Variants in DAB2IP observed in about 807,000 individuals in gnomAD.
DAB2IP encodes disabled homolog 2-interacting protein.
A neutral mutation model predicts 107.2 loss-of-function variants in DAB2IP; 28 were observed. The observed-to-expected ratio is 0.26, with a 90% CI of 0.19 to 0.36. The LOEUF (loss-of-function observed/expected upper bound fraction) is 0.36, where lower values mean the gene tolerates loss of function less well. Among genes scored for constraint, DAB2IP ranks in the 10% least tolerant of loss-of-function variants. The pLI is 1.00. For synonymous variants in DAB2IP, 755 were observed against 706.4 expected, an observed-to-expected ratio of 1.07 and a Z score of -1.09; for missense variants, 1,400 against 1,644.7, an observed-to-expected ratio of 0.85 and a Z score of 2.57.
intron 1 of DAB2IP, among the ~76,000 whole-genome samples, chr9:121,641,252 A>G (rs1176338109): frequency 6.6e-6 from 1 of 152,144 alleles, no homozygotes; most frequent in Non-Finnish European, 1.5e-5. Flanking sequence ...CAGAGCTGGG[A>G]TTGTTCTCAC....
chr9:121,588,487 CAAGGG>C (rs1316815109), intron 1 of DAB2IP, among the ~76,000 whole-genome samples: 1 of 148,564 alleles, frequency 6.7e-6, no homozygotes, highest in Non-Finnish European at 1.5e-5. Context: ...GGAGATCCAT[CAAGGG>C]CTGCTCTCTG....
rs1835650826 is a variant in DAB2IP, at chr9:121,781,561, C to A, written c.3402+10C>A. 4 of 1,612,516 alleles carry A rather than the reference C, an allele frequency of 2.5e-6. No homozygotes were observed. The highest frequency in any genetic ancestry group is 3.4e-6 in the Non-Finnish European group (4 of 1,179,926). ...GATCATTGATGCCCAGGTGGGGGCT[C>A]CGGCCCTTTGGTCAGCCACAAGAGT... On this transcript the variant is annotated intron_variant, in intron 15 of 15. Coordinates refer to ENST00000408936, the Ensembl canonical transcript of DAB2IP.
intron 3 of DAB2IP, among the ~76,000 whole-genome samples, chr9:121,708,409 A>G (rs1256434022): frequency 6.6e-6 from 1 of 152,234 alleles, no homozygotes; most frequent in Non-Finnish European, 1.5e-5. Context: ...TCAGAGAAGT[A>G]GCAGTAGCCC....
chr9:121,783,679 C>T (rs1564240519), exon 16 of DAB2IP: 9 of 1,212,976 alleles, frequency 7.4e-6, no homozygotes, highest in East Asian at 2.3e-5. Flanking sequence ...CCTGCACCTG[C>T]CCCGTGTGTG....
intron 1 of DAB2IP, chr9:121,598,683 C>G (rs1349567998): frequency 6.6e-6 from 1 of 152,286 alleles, no homozygotes; most frequent in East Asian, 1.9e-4. Context: ...TGCCCGGGGC[C>G]TGTTTCTCCT....
At chr9:121,769,386 T>TA (rs1834534194) in intron 10 of DAB2IP, among the ~76,000 whole-genome samples, 1 of 152,166 alleles carries the variant, frequency 6.6e-6, no homozygotes, top group African/African-American at 2.4e-5. Flanking sequence ...CGCACACACA[T>TA]AGAGCTCTTT....
intron 1 of DAB2IP, among the ~76,000 whole-genome samples, chr9:121,612,897 C>T (rs888724806): frequency 3.3e-5 from 5 of 152,196 alleles, no homozygotes; most frequent in Non-Finnish European, 5.9e-5. Flanking sequence ...AGTTCTCCAT[C>T]GGAGTCTTGC....
rs768892096 is a variant in DAB2IP, at chr9:121,699,411, C to T, written c.315C>T (p.Ile105=). ...ACCGCAACCACAGCTTCCGCCACAT[C>T]CTGCCGGGGTTCCGGAGCGCCGCCG... The change falls in exon 3 of 16, where the codon ATC becomes ATT. Residue 105 remains isoleucine (I), a synonymous_variant. Coordinates refer to ENST00000408936, the Ensembl canonical transcript of DAB2IP. The surrounding 1 kb of genome is among the most constrained non-coding windows in gnomAD (Gnocchi z 6.2). The T allele has an allele frequency of 6.8e-7, 1 of 1,470,660 alleles. No individual in the cohort carries two copies. Among genetic ancestry groups the T allele is most frequent in the Non-Finnish European group, 9.1e-7 (1 of 1,101,076 alleles). The allele number at this position is 1,470,660 out of a possible 1,614,324, so 91.1% of individuals were successfully genotyped here.
chr9:121,785,183 C>T (rs939983658), exon 16 of DAB2IP: 1 of 152,656 alleles, frequency 6.6e-6, no homozygotes, highest in African/African-American at 2.4e-5. Flanking sequence ...GGCTACAGCT[C>T]CACACGCCCC....
chr9:121,664,592 T>C (rs920855286), intron 1 of DAB2IP, among the ~76,000 whole-genome samples: 1 of 152,260 alleles, frequency 6.6e-6, no homozygotes, highest in African/African-American at 2.4e-5. Context: ...TAGTCTCTTA[T>C]GTGTTAAATT....
intron 1 of DAB2IP, among the ~76,000 whole-genome samples, chr9:121,665,376 A>G (rs567404735): frequency 6.6e-6 from 1 of 152,340 alleles, no homozygotes; most frequent in African/African-American, 2.4e-5. Flanking sequence ...ACAAAAGTGC[A>G]GAACATTACT....
At chr9:121,602,174 G>A (rs1459987633) in intron 1 of DAB2IP, among the ~76,000 whole-genome samples, 3 of 152,128 alleles carry the variant, frequency 2.0e-5, no homozygotes, top group Non-Finnish European at 2.9e-5. Context: ...TCACTCTCTG[G>A]AGCTGGTTAC....
upstream of DAB2IP, among the ~76,000 whole-genome samples, chr9:121,646,702 G>A (rs12346616): frequency 6.6e-5 from 10 of 152,012 alleles, no homozygotes; most frequent in Non-Finnish European, 1.2e-4. Flanking sequence ...TGTGGGCTCC[G>A]ATGCTTCCCC....
Position 121,782,292 on chromosome 9 carries a change from C to T in DAB2IP, c.3403-39C>T, listed in dbSNP as rs1835723044. 4 of 1,600,892 alleles carry T rather than the reference C, an allele frequency of 2.5e-6. No homozygotes were observed. The highest frequency in any genetic ancestry group is 1.1e-5 in the South Asian group (1 of 89,798). ...GTAGGTATACACAGCCCTAAGGAGC[C>T]TGTCCCATGACCCCCGCTCACATCC... On this transcript the variant is annotated intron_variant, in intron 15 of 15. Coordinates refer to ENST00000408936, the Ensembl canonical transcript of DAB2IP. This position sits in a 1 kb window ranked among gnomAD's most constrained non-coding sequence, Gnocchi z 6.1.
At chr9:121,666,867 A>C (rs1181117506) in intron 1 of DAB2IP, among the ~76,000 whole-genome samples, 3 of 128,588 alleles carry the variant, frequency 2.3e-5, no homozygotes, top group East Asian at 2.4e-4. Context: ...CCCCAGCCCC[A>C]ACACACACAC....
At chr9:121,678,895 G>A (rs1352320971) in intron 2 of DAB2IP, 114 bp downstream of exon 2, 13 of 995,558 alleles carry the variant, frequency 1.3e-5, no homozygotes, top group Non-Finnish European at 1.5e-5. Flanking sequence ...GACCCGGAGA[G>A]CATCCGGCCT....
chr9:121,620,241 C>T (rs897256504), intron 1 of DAB2IP, among the ~76,000 whole-genome samples: 1 of 152,216 alleles, frequency 6.6e-6, no homozygotes, highest in Non-Finnish European at 1.5e-5. Context: ...TGGCCAGGCA[C>T]CCCTGCCCTC....
intron 1 of DAB2IP, among the ~76,000 whole-genome samples, chr9:121,586,230 T>C (rs918126372): frequency 2.6e-5 from 4 of 152,208 alleles, no homozygotes; most frequent in Admixed American, 6.5e-5. Flanking sequence ...ATTAGCAAAA[T>C]AATTCCCTAT....
At chr9:121,717,361 G>A (rs1195029373) in intron 3 of DAB2IP, among the ~76,000 whole-genome samples, 1 of 152,210 alleles carries the variant, frequency 6.6e-6, no homozygotes, top group Non-Finnish European at 1.5e-5. Context: ...GCCACTCATT[G>A]TACTAGCAGA....
Sources: allele counts gnomAD v4.1 joint callset (sites outside exome capture counted in the v4.1 genomes callset), GRCh38; gene constraint gnomAD v4.1.1; non-coding constraint Gnocchi (gnomAD v3.1); transcripts MANE v1.5; gene names NCBI Gene and HGNC (gene_info 2026-07-23, HGNC 2026-07-21).